BRI3BP: variants seen among roughly 807,000 people sequenced by gnomAD.
The protein encoded by BRI3BP is BRI3 binding protein.
Under a neutral mutation model 15.8 loss-of-function variants are expected in BRI3BP, and 7 were observed. The observed-to-expected ratio is 0.44, with a 90% CI of 0.25 to 0.83. BRI3BP has a LOEUF of 0.83. Ranked by LOEUF, BRI3BP falls within the 40% of genes least tolerant of loss-of-function variation. The pLI is 0.20. For synonymous variants in BRI3BP, 192 were observed against 163.5 expected, an observed-to-expected ratio of 1.17 and a Z score of -1.33; for missense variants, 320 against 339.3, an observed-to-expected ratio of 0.94 and a Z score of 0.45.
chr12:125,015,772 TCAGA>T (rs1182401324), intron 2 of BRI3BP, among the ~76,000 whole-genome samples: 3 of 152,140 alleles, frequency 2.0e-5, no homozygotes, highest in Non-Finnish European at 2.9e-5. Context: ...ACCTCACTGC[TCAGA>T]CAAAGAATCA....
At chr12:125,032,915 G>C (rs1228794356), downstream of BRI3BP, among the ~76,000 whole-genome samples, 1 of 152,176 alleles carries the variant, frequency 6.6e-6, no homozygotes, top group Non-Finnish European at 1.5e-5. Context: ...CACAGGAGAA[G>C]TCACCGAGGG....
chr12:125,040,303 A>AT, the BRI3BP span, among the ~76,000 whole-genome samples: 160 of 149,064 alleles, frequency 1.1e-3, no homozygotes, highest in African/African-American at 3.3e-3. Context: ...CATTAACACT[A>AT]TTTTTTTTTG....
At chr12:125,016,248 C>A (rs767595959) in intron 2 of BRI3BP, among the ~76,000 whole-genome samples, 1 of 151,974 alleles carries the variant, frequency 6.6e-6, no homozygotes, top group South Asian at 2.1e-4. Flanking sequence ...GTGTCTTATG[C>A]GTAGAAGTTT....
At chr12:125,050,427 C>G in the BRI3BP span, among the ~76,000 whole-genome samples, 1 of 150,782 alleles carries the variant, frequency 6.6e-6, no homozygotes, top group Non-Finnish European at 1.5e-5. Context: ...ATCATGAAAA[C>G]AAATAAAGGC....
At chr12:124,997,820 C>G (rs367806738) in intron 1 of BRI3BP, among the ~76,000 whole-genome samples, 1 of 152,032 alleles carries the variant, frequency 6.6e-6, no homozygotes, top group African/African-American at 2.4e-5. Context: ...GAAACCCTGT[C>G]TCTACTAAAA....
chr12:125,005,230 A>T (rs1301371842), intron 1 of BRI3BP, among the ~76,000 whole-genome samples: 5 of 152,144 alleles, frequency 3.3e-5, no homozygotes, highest in Non-Finnish European at 5.9e-5. Context: ...GGTTTTGGGG[A>T]GGAAGACACA....
At chr12:125,046,156 CTT>C in the BRI3BP span, among the ~76,000 whole-genome samples, 1 of 151,200 alleles carries the variant, frequency 6.6e-6, no homozygotes, top group Non-Finnish European at 1.5e-5. Flanking sequence ...AAGAATGAGA[CTT>C]TGTCTCAAAA....
chr12:125,004,953 C>G (rs1234139014), intron 1 of BRI3BP, among the ~76,000 whole-genome samples: 2 of 152,176 alleles, frequency 1.3e-5, no homozygotes, highest in Non-Finnish European at 2.9e-5. Context: ...TCAAGCAATT[C>G]TCCTGCCTCA....
At chr12:125,006,629 C>A (rs951707069) in intron 1 of BRI3BP, among the ~76,000 whole-genome samples, 1 of 152,224 alleles carries the variant, frequency 6.6e-6, no homozygotes, top group African/African-American at 2.4e-5. Context: ...AGAACCACCT[C>A]AGCTGCTCCG....
chr12:125,035,303 G>A (rs6488977), downstream of BRI3BP, among the ~76,000 whole-genome samples: 111,001 of 152,128 alleles, frequency 0.73, 41,339 homozygotes, highest in South Asian at 0.86. Context: ...TACCCACTGT[G>A]TGTGAGAATT....
intron 1 of BRI3BP, among the ~76,000 whole-genome samples, chr12:125,006,076 G>T (rs928684077): frequency 5.9e-5 from 9 of 152,032 alleles, no homozygotes; most frequent in African/African-American, 2.2e-4. Context: ...TCTCCTACTT[G>T]CATAAGGACA....
At chr12:125,042,300 TC>T in the BRI3BP span, among the ~76,000 whole-genome samples, 2 of 152,188 alleles carry the variant, frequency 1.3e-5, no homozygotes. Flanking sequence ...TTTACCCTCT[TC>T]CCACTTGGTA....
At chr12:125,020,749 G>T (rs991855019) in intron 2 of BRI3BP, among the ~76,000 whole-genome samples, 5 of 152,060 alleles carry the variant, frequency 3.3e-5, no homozygotes, top group African/African-American at 1.2e-4. Context: ...GCTTGGTGGT[G>T]CATGCTTGTA....
chr12:125,015,855 G>A (rs1955237921), intron 2 of BRI3BP, among the ~76,000 whole-genome samples: 1 of 152,206 alleles, frequency 6.6e-6, no homozygotes, highest in African/African-American at 2.4e-5. Flanking sequence ...GGCCCCTCCA[G>A]GGACTTGGCA....
downstream of BRI3BP, among the ~76,000 whole-genome samples, chr12:125,033,854 C>T (rs945977974): frequency 3.9e-5 from 6 of 152,006 alleles, no homozygotes; most frequent in Admixed American, 2.0e-4. Flanking sequence ...GCAATCCTCC[C>T]ACCTCAGCCT....
At chr12:125,023,587 A>G (rs562181995) in intron 2 of BRI3BP, among the ~76,000 whole-genome samples, 1 of 152,286 alleles carries the variant, frequency 6.6e-6, no homozygotes, top group Admixed American at 6.5e-5. Context: ...TTACTCTGTC[A>G]CACAGGCTGG....
downstream of BRI3BP, among the ~76,000 whole-genome samples, chr12:125,031,737 C>T (rs2136004309): frequency 6.6e-6 from 1 of 152,076 alleles, no homozygotes; most frequent in South Asian, 2.1e-4. Flanking sequence ...CCATGTTGGC[C>T]AGGCTGGTCT....
the BRI3BP span, among the ~76,000 whole-genome samples, chr12:125,042,781 C>T: frequency 6.6e-6 from 1 of 152,090 alleles, no homozygotes; most frequent in African/African-American, 2.4e-5. Context: ...AAGTGATCTG[C>T]CCCTCTTGGC....
intron 1 of BRI3BP, among the ~76,000 whole-genome samples, chr12:125,002,898 C>CTCGTGGT (rs1263368441): frequency 6.6e-6 from 1 of 152,166 alleles, no homozygotes; most frequent in African/African-American, 2.4e-5. Context: ...CATATCGGGG[C>CTCGTGGT]TCGTGGTGTC....
Sources: allele counts gnomAD v4.1 joint callset (sites outside exome capture counted in the v4.1 genomes callset), GRCh38; gene constraint gnomAD v4.1.1; transcripts MANE v1.5; gene names NCBI Gene and HGNC (gene_info 2026-07-23, HGNC 2026-07-21).